The following ASAP1 variants were observed in gnomAD, a reference collection of about 807,000 sequenced individuals.
The protein encoded by ASAP1 is arf-GAP with SH3 domain, ANK repeat and PH domain-containing protein 1.
ASAP1 carries 43 observed loss-of-function variants against 145.2 expected under a neutral mutation model. The observed-to-expected ratio is 0.30, with a 90% CI of 0.23 to 0.38. The LOEUF (loss-of-function observed/expected upper bound fraction) is 0.38. ASAP1 is among the 10% of genes least tolerant of loss of function. The pLI, the probability that ASAP1 is intolerant of heterozygous loss-of-function variation, is 1.00. For synonymous variants in ASAP1, 546 were observed against 515.5 expected, an observed-to-expected ratio of 1.06 and a Z score of -0.80; for missense variants, 1,018 against 1,355.3, an observed-to-expected ratio of 0.75 and a Z score of 3.91.
At chr8:130,142,100 G>A (rs535473665) in intron 13 of ASAP1, among the ~76,000 whole-genome samples, 21 of 152,302 alleles carry the variant, frequency 1.4e-4, no homozygotes, top group African/African-American at 5.1e-4. Context: ...TGTGAGGGAA[G>A]TCTTCAGTTT....
At chr8:130,296,024 C>A (rs1198092156) in intron 3 of ASAP1, among the ~76,000 whole-genome samples, 1 of 152,172 alleles carries the variant, frequency 6.6e-6, no homozygotes, top group Non-Finnish European at 1.5e-5. Context: ...AGTAAAAAGC[C>A]TGCCTTGCTC....
chr8:130,358,423 T>C lies in ASAP1; in HGVS notation c.60-280A>G, dbSNP rs1448490897. On this transcript the variant is annotated intron_variant, in intron 2 of 29. Coordinates refer to ENST00000518721, the MANE Select transcript of ASAP1 (RefSeq NM_018482.4). This position sits in a 1 kb window ranked among gnomAD's most constrained non-coding sequence, Gnocchi z 4.1. Reference sequence around the variant, plus strand: ...TCCGGGACCCGCCTCCCTCTGCTCATGCCGGCGGCGGCAGCTCCTCAGCGG... The same window carrying C: ...TCCGGGACCCGCCTCCCTCTGCTCACGCCGGCGGCGGCAGCTCCTCAGCGG... Among the ~76,000 whole-genome samples, 4 of 147,576 alleles carry C rather than the reference T, an allele frequency of 2.7e-5. No individual in the cohort carries two copies. The highest frequency in any genetic ancestry group is 6.0e-5 in the Non-Finnish European group (4 of 66,276).
chr8:130,403,336 C>T (rs887047460), intron 1 of ASAP1, among the ~76,000 whole-genome samples: 1 of 151,310 alleles, frequency 6.6e-6, no homozygotes, highest in Non-Finnish European at 1.5e-5. Flanking sequence ...TGACACTTAA[C>T]AATTGAGTGA....
chr8:130,272,284 C>A (rs1441876894), intron 3 of ASAP1, among the ~76,000 whole-genome samples: 1 of 152,106 alleles, frequency 6.6e-6, no homozygotes, highest in Non-Finnish European at 1.5e-5. Context: ...ACCATAATGA[C>A]ATATCATCTT....
chr8:130,346,701 G>A (rs1825723132), intron 3 of ASAP1, among the ~76,000 whole-genome samples: 1 of 152,216 alleles, frequency 6.6e-6, no homozygotes, highest in African/African-American at 2.4e-5. Flanking sequence ...CTTGGGATGT[G>A]ACAGCACTGA....
At chr8:130,103,899 C>A (rs997435774) in intron 24 of ASAP1, among the ~76,000 whole-genome samples, 1 of 152,192 alleles carries the variant, frequency 6.6e-6, no homozygotes, top group Non-Finnish European at 1.5e-5. Flanking sequence ...GTTTTGGTTA[C>A]ATCTTCATTT....
intron 12 of ASAP1, among the ~76,000 whole-genome samples, chr8:130,159,218 G>T (rs1164458695): frequency 6.6e-6 from 1 of 152,198 alleles, no homozygotes; most frequent in Non-Finnish European, 1.5e-5. Context: ...GTTAGAAATG[G>T]AAGAGCTTTT....
intron 1 of ASAP1, chr8:130,427,767 T>TCTC (rs1345651377): frequency 6.6e-6 from 1 of 152,156 alleles, no homozygotes; most frequent in Non-Finnish European, 1.5e-5. Context: ...AATCCGTGCT[T>TCTC]CTCCCCTTCA....
intron 24 of ASAP1, among the ~76,000 whole-genome samples, chr8:130,109,035 A>G (rs1234373537): frequency 2.6e-5 from 4 of 152,058 alleles, no homozygotes; most frequent in African/African-American, 9.7e-5. Flanking sequence ...TCGGTCTCCC[A>G]AAGTGTTGGG....
At chr8:130,306,572 AC>A (rs894157054) in intron 3 of ASAP1, among the ~76,000 whole-genome samples, 1 of 152,156 alleles carries the variant, frequency 6.6e-6, no homozygotes, top group Non-Finnish European at 1.5e-5. Context: ...TTCCTCTCAA[AC>A]TTTTTACTGG....
intron 3 of ASAP1, among the ~76,000 whole-genome samples, chr8:130,332,591 G>A (rs891277059): frequency 6.6e-5 from 10 of 152,156 alleles, no homozygotes; most frequent in Non-Finnish European, 1.5e-4. Flanking sequence ...AAATATTCCA[G>A]AATGCAAAAC....
Position 130,179,349 on chromosome 8 carries a change from A to T in ASAP1, c.661T>A (p.Tyr221Asn). The T allele has an allele frequency of 6.3e-7, 1 of 1,584,442 alleles. No individual in the cohort carries two copies. Among genetic ancestry groups the T allele is most frequent in the Non-Finnish European group, 8.7e-7 (1 of 1,153,186 alleles). ...TTGATTTCATTAACTTTAATGAGAT[A>T]CTGTGAAAATAAAACAGGGTTTTGC... ...RRLFQLQMCE[Y>N]LIKVNEIKTK... Residue 221 changes from tyrosine (Y) to asparagine (N), a missense_variant and splice_region_variant, in exon 9 of 30, where the codon TAT becomes AAT. Around this residue, in one of 9 missense-constraint regions of ASAP1, gnomAD observed 78 missense variants for 161.0 expected, o/e 0.48. Coordinates refer to ENST00000518721, the MANE Select transcript of ASAP1 (RefSeq NM_018482.4).
intron 1 of ASAP1, among the ~76,000 whole-genome samples, chr8:130,408,603 T>C (rs1407985902): frequency 6.6e-6 from 1 of 152,152 alleles, no homozygotes; most frequent in African/African-American, 2.4e-5. Flanking sequence ...TTCCACTTAT[T>C]ATAAGGGTGA....
chr8:130,339,006 C>T (rs1825211352), intron 3 of ASAP1, among the ~76,000 whole-genome samples: 1 of 152,220 alleles, frequency 6.6e-6, no homozygotes, highest in Admixed American at 6.5e-5. Flanking sequence ...GCTTATTCCC[C>T]ACCTAAGAAG....
At chr8:130,347,639 C>T (rs893131846) in intron 3 of ASAP1, among the ~76,000 whole-genome samples, 2 of 152,152 alleles carry the variant, frequency 1.3e-5, no homozygotes, top group Admixed American at 1.3e-4. Context: ...CTTAGCCCCA[C>T]CCATCACATA....
intron 3 of ASAP1, among the ~76,000 whole-genome samples, chr8:130,246,552 C>T (rs1463123293): frequency 2.6e-5 from 4 of 152,162 alleles, no homozygotes; most frequent in African/African-American, 7.2e-5. Context: ...CTCTCTCCAG[C>T]GGCCTTGTGA....
rs747100716 is a variant in ASAP1 at position 130,159,973 on chromosome 8, GA to G, written c.910-10del. ...TGCCGGCTCTGAGAATCCTAGGAAA[GA>G]AAAACTACAGATTAAACAAAAACTA... On this transcript the variant is annotated splice_polypyrimidine_tract_variant and intron_variant, in intron 11 of 29. Transcript: ENST00000518721. 102 of 1,609,214 alleles carry G rather than the reference GA, an allele frequency of 6.3e-5. No homozygotes were observed. In the East Asian group the frequency reaches 1.5e-3, roughly 24 times the overall value.
intron 3 of ASAP1, among the ~76,000 whole-genome samples, chr8:130,304,618 C>T (rs1822880559): frequency 6.6e-6 from 1 of 152,146 alleles, no homozygotes; most frequent in Non-Finnish European, 1.5e-5. Flanking sequence ...GTGACAATCT[C>T]ATGTTTAATT....
rs2097396263 is a variant in ASAP1, at chr8:130,052,990, C to T, written c.*1741G>A. ...TTTGGTGTGGAAATTCACATGTGCC[C>T]TGACACTGAGGAAGCAATTGCTTAA... On this transcript the variant is annotated 3_prime_UTR_variant, in exon 30 of 30. Transcript: ENST00000518721. 6.6e-6 allele frequency: 1 copy of T among 152,140 alleles called. No individual in the cohort carries two copies. The highest frequency in any genetic ancestry group is 1.5e-5 in the Non-Finnish European group (1 of 68,026). The allele number at this position is 152,140 out of a possible 1,614,324, so 9.4% of individuals were successfully genotyped here.
Sources: gnomAD v4.1 joint callset for allele counts (sites outside exome capture counted in the v4.1 genomes callset) on GRCh38, gnomAD v4.1.1 for gene constraint, gnomAD v4.1.1 regional missense constraint, Gnocchi (gnomAD v3.1) non-coding constraint, MANE v1.5 for transcripts, NCBI Gene and HGNC (gene_info 2026-07-23, HGNC 2026-07-21) for gene names.